Variants in MTHFD1 observed in about 807,000 individuals in gnomAD.
MTHFD1 encodes methylenetetrahydrofolate dehydrogenase, cyclohydrolase and formyltetrahydrofolate synthetase 1.
Under a neutral mutation model 110.3 loss-of-function variants are expected in MTHFD1, and 44 were observed. The ratio of observed to expected loss-of-function variants is 0.40; its 90% confidence interval spans 0.31 to 0.51. The LOEUF is 0.51. Among genes scored for constraint, MTHFD1 ranks in the 20% least tolerant of loss-of-function variants. MTHFD1 has a pLI of 0.60. For synonymous variants in MTHFD1, 402 were observed against 428.8 expected (o/e 0.94, Z 0.77); for missense variants, 909 against 1,173.1 (o/e 0.77, Z 3.29).
In MTHFD1 at chr14:64,451,820, C is replaced by T. The variant is rs10144786; in HGVS notation, c.2458-1934C>T. 1.2e-3 allele frequency among the ~76,000 whole-genome samples: 184 copies of T among 152,306 alleles called. 1 individual carries two copies. The highest frequency in any genetic ancestry group is 4.1e-3 in the African/African-American group (169 of 41,568). On this transcript the variant is annotated intron_variant, in intron 24 of 27. Transcript: ENST00000652337. ...TTTTGCTTCAGAAGTTCTAAATGTG[C>T]CTTGGCATTTATAGAGCTCCAGTTA...
rs150866394 is a variant in MTHFD1 at position 64,440,955 on chromosome 14, G to A, written c.1816-430G>A. ...GCCTGTAATCCCAGCACTTTGGGAG[G>A]CTGAGGCGGGTGGATCACAAGGTCA... is the stretch of plus-strand genomic sequence containing the variant. On this transcript the variant is annotated intron_variant, in intron 18 of 27. Coordinates refer to ENST00000652337, the MANE Select transcript of MTHFD1 (RefSeq NM_005956.4). 170 of 274,508 alleles carry A rather than the reference G, an allele frequency of 6.2e-4. 2 individuals are homozygous for A. The highest frequency in any genetic ancestry group is 2.0e-4 in the South Asian group (5 of 25,086). 17.0% of individuals were successfully genotyped at this position (274,508 alleles called of 1,614,324 possible).
intron 4 of MTHFD1, among the ~76,000 whole-genome samples, chr14:64,414,677 G>A (rs2078012089): frequency 7.6e-6 from 1 of 131,622 alleles, no homozygotes. Context: ...TTTTTTTTGA[G>A]GTGGAGTTTC....
intron 2 of MTHFD1, among the ~76,000 whole-genome samples, chr14:64,401,988 T>A (rs1169706826): frequency 6.6e-6 from 1 of 152,202 alleles, no homozygotes; most frequent in East Asian, 1.9e-4. Context: ...TTCATACAGA[T>A]GTGTAGCTAT....
intron 1 of MTHFD1, among the ~76,000 whole-genome samples, chr14:64,391,492 TC>T (rs1195414706): frequency 6.6e-6 from 1 of 152,126 alleles, no homozygotes; most frequent in Non-Finnish European, 1.5e-5. Context: ...TTTACAGTCT[TC>T]CTCTCATTAG....
chr14:64,411,575 C>T lies in MTHFD1; in HGVS notation c.186+426C>T, dbSNP rs139645135. Among the ~76,000 whole-genome samples the T allele has an allele frequency of 1.1e-4, 17 of 152,314 alleles. 1 individual carries two copies. The East Asian group carries it at 3.3e-3, about 29-fold the overall frequency. On this transcript the variant is annotated intron_variant, in intron 3 of 27. Transcript: ENST00000652337. ...GGGAAAAATAGTCATTCATGACCTT[C>T]TCTGGCTCAGTGAATCTGCATTTTT... is the stretch of plus-strand genomic sequence containing the variant.
intron 15 of MTHFD1, among the ~76,000 whole-genome samples, chr14:64,435,150 C>T (rs113566003): frequency 0.062 from 9,392 of 151,628 alleles, 514 homozygotes; most frequent in African/African-American, 0.16. Flanking sequence ...AGGGTTTCAC[C>T]GTGTTGGCCA....
At chr14:64,420,809 A>T (rs1223494988) in intron 8 of MTHFD1, among the ~76,000 whole-genome samples, 1 of 152,168 alleles carries the variant, frequency 6.6e-6, no homozygotes, top group African/African-American at 2.4e-5. Flanking sequence ...CATGGTGAAT[A>T]CCTGTCTTCA....
intron 23 of MTHFD1, 85 bp downstream of exon 23, chr14:64,448,402 T>C: frequency 9.1e-7 from 1 of 1,099,684 alleles, no homozygotes; most frequent in Non-Finnish European, 1.4e-6. Context: ...CTTTATTTTG[T>C]TTTTCAGTTA....
Position 64,441,395 on chromosome 14 carries a change from G to A in MTHFD1, c.1826G>A (p.Gly609Asp). ...ACATTTGTTTTGTAGGGGGTGAGTG[G>A]TGCACTGACAGTGCTTATGAAGGAC... The part of the protein sequence containing the change: ...PVSAEDLGVS[G>D]ALTVLMKDAI... Residue 609 changes from glycine (G) to aspartate (D), a missense_variant, in exon 19 of 28, where the codon GGT (glycine) becomes GAT (aspartate). By Grantham distance (94) the Gly-to-Asp change is moderately conservative. Transcript: ENST00000652337. The A allele has an allele frequency of 6.2e-7, 1 of 1,614,042 alleles. No individual in the cohort carries two copies. The highest frequency in any genetic ancestry group is 8.5e-7 in the Non-Finnish European group (1 of 1,179,964).
At position 64,415,442 on chromosome 14, in the gene MTHFD1, A is replaced by C. The variant is rs1313485245; in HGVS notation, c.325A>C (p.Ile109Leu). ...GCTACCTTTAGATTCAGAGAATTCC[A>C]TTAACACTGAAGAAGTGATCAATGC... ...VQLPLDSENSINTEEVINAIA... is the reference protein window; with the variant it reads ...VQLPLDSENSLNTEEVINAIA... The change falls in exon 5 of 28, where the codon ATT (isoleucine) becomes CTT (leucine). Residue 109 changes from isoleucine to leucine, a missense_variant. Around this residue, in one of 3 missense-constraint regions of MTHFD1, gnomAD observed 424 missense variants for 510.4 expected, o/e 0.83. Coordinates refer to ENST00000652337, the MANE Select transcript of MTHFD1 (RefSeq NM_005956.4). 1 of 1,613,880 alleles carries C rather than the reference A, an allele frequency of 6.2e-7. No homozygotes were observed. Among genetic ancestry groups the C allele is most frequent in the African/African-American group, 1.3e-5 (1 of 74,938 alleles).
Position 64,425,781 on chromosome 14 carries a change from T to C in MTHFD1, c.907T>C (p.Trp303Arg). The change falls in exon 10 of 28, where the codon TGG becomes CGG. Residue 303 changes from tryptophan to arginine, a missense_variant. This residue lies in a region of MTHFD1 where 424 missense variants were observed against 510.4 expected (regional missense o/e 0.83). Transcript: ENST00000652337. ...CCTGGAGAAATTTAAGCCAGGAAAG[T>C]GGATGATTCAGTATAACAACCTTAA... is the stretch of plus-strand genomic sequence containing the variant. ...RFLEKFKPGK[W>R]MIQYNNLNLK... The C allele has an allele frequency of 6.2e-7, 1 of 1,613,626 alleles. No individual in the cohort carries two copies. The highest frequency in any genetic ancestry group is 8.5e-7 in the Non-Finnish European group (1 of 1,180,002).
intron 8 of MTHFD1, chr14:64,422,944 C>G (rs751767808): frequency 1.3e-5 from 2 of 152,086 alleles, no homozygotes; most frequent in Non-Finnish European, 2.9e-5. Context: ...ACCAGTGCTG[C>G]GTTTAGTCAT....
Position 64,417,762 on chromosome 14 carries a change from T to G in MTHFD1, c.479-126T>G. On this transcript the variant is annotated intron_variant, in intron 6 of 27. Transcript: ENST00000652337. The surrounding 1 kb of genome is among the most constrained non-coding windows in gnomAD (Gnocchi z 4.4). ...ATATTATTGCCAAAGAAGGAATGCT[T>G]TTAGGAAGGTTTCTGTTTGATGTTA... The G allele has an allele frequency of 3.3e-6, 4 of 1,195,410 alleles. No individual in the cohort carries two copies. The highest frequency in any genetic ancestry group is 3.7e-6 in the Non-Finnish European group (3 of 813,758). 74.1% of individuals were successfully genotyped at this position (1,195,410 alleles called of 1,614,324 possible). A position where few individuals can be genotyped will look rare whatever the true frequency, so the allele number is the denominator to read the frequency against.
At position 64,434,955 on chromosome 14, in the gene MTHFD1, T is replaced by C. The variant is rs1225080827; in HGVS notation, c.1495-614T>C. On this transcript the variant is annotated intron_variant, in intron 15 of 27. Transcript: ENST00000652337. ...GTGAAGCTCTCCCTCTTTTCTTTTTTTTTTTTTTTTTTTTTTTTTTGAGAT... is the reference window on the plus strand; with the variant it reads ...GTGAAGCTCTCCCTCTTTTCTTTTTCTTTTTTTTTTTTTTTTTTTTGAGAT... Among the ~76,000 whole-genome samples the C allele has an allele frequency of 9.7e-3, 1,174 of 121,124 alleles. 26 individuals carry two copies. Among genetic ancestry groups the C allele is most frequent in the African/African-American group, 0.035 (1,109 of 31,666 alleles). 79.5% of individuals were successfully genotyped at this position (121,124 alleles called of 152,430 possible). A position where few individuals can be genotyped will look rare whatever the true frequency, so the allele number is the denominator to read the frequency against.
chr14:64,432,224 G>A (rs2078165706), intron 15 of MTHFD1, among the ~76,000 whole-genome samples: 2 of 152,240 alleles, frequency 1.3e-5, no homozygotes, highest in South Asian at 4.1e-4. Context: ...TTGTTTCTCC[G>A]CTTACTTGTC....
intron 23 of MTHFD1, 43 bp from the exon 24 acceptor site, chr14:64,449,402 C>G: frequency 6.2e-7 from 1 of 1,600,048 alleles, no homozygotes; most frequent in Non-Finnish European, 8.5e-7. Flanking sequence ...TTCTGTCTCT[C>G]CAGCCATTTT....
At chr14:64,455,000 C>A (rs2140989420) in intron 26 of MTHFD1, 125 bp downstream of exon 26, 1 of 981,782 alleles carries the variant, frequency 1.0e-6, no homozygotes, top group Non-Finnish European at 1.6e-6. Flanking sequence ...TGGAATCGGG[C>A]CTATTATGAT....
At chr14:64,391,105 AACCAGCACTTACT>A (rs1301907785) in intron 1 of MTHFD1, among the ~76,000 whole-genome samples, 1 of 152,194 alleles carries the variant, frequency 6.6e-6, no homozygotes, top group Non-Finnish European at 1.5e-5. Flanking sequence ...TTTTCATTCT[AACCAGCACTTACT>A]ACTTGCTAAA....
chr14:64,427,254 C>T, intron 11 of MTHFD1, 83 bp from the exon 12 acceptor site: 1 of 1,484,088 alleles, frequency 6.7e-7, no homozygotes, highest in Non-Finnish European at 9.3e-7. Context: ...ACGAGTCATT[C>T]TCTAGGATCT....
Sources: gnomAD v4.1 joint callset for allele counts (sites outside exome capture counted in the v4.1 genomes callset) on GRCh38, gnomAD v4.1.1 for gene constraint, gnomAD v4.1.1 regional missense constraint, Gnocchi (gnomAD v3.1) non-coding constraint, MANE v1.5 for transcripts, NCBI Gene and HGNC (gene_info 2026-07-23, HGNC 2026-07-21) for gene names.